The following CSMD3 variants were observed in gnomAD, a reference collection of about 807,000 sequenced individuals.
CSMD3 encodes CUB and sushi domain-containing protein 3.
In CSMD3, 177 loss-of-function variants were observed where a neutral mutation model predicts 435.2. That is an observed-to-expected ratio of 0.41 (90% CI 0.36 to 0.46). The LOEUF (loss-of-function observed/expected upper bound fraction) is 0.46. Ranked by LOEUF, CSMD3 falls within the 20% of genes least tolerant of loss-of-function variation. The pLI, the probability that CSMD3 is intolerant of heterozygous loss-of-function variation, is 0.34. For synonymous variants in CSMD3, 1,656 were observed against 1,520.5 expected, an observed-to-expected ratio of 1.09 and a Z score of -2.07; for missense variants, 4,265 against 4,504.6, an observed-to-expected ratio of 0.95 and a Z score of 1.52.
intron 50 of CSMD3, among the ~76,000 whole-genome samples, chr8:112,308,361 T>G (rs535884684): frequency 6.6e-6 from 1 of 152,096 alleles, no homozygotes; most frequent in Non-Finnish European, 1.5e-5. Context: ...TAAAAAGAGA[T>G]GTAGTTAAAT....
intron 27 of CSMD3, among the ~76,000 whole-genome samples, chr8:112,520,231 T>C (rs1382337896): frequency 6.6e-6 from 1 of 152,062 alleles, no homozygotes; most frequent in Non-Finnish European, 1.5e-5. Flanking sequence ...ACTCTCTGTA[T>C]TTAGAGCATA....
intron 4 of CSMD3, among the ~76,000 whole-genome samples, chr8:113,111,766 C>G (rs1564327758): frequency 1.3e-5 from 2 of 152,146 alleles, no homozygotes; most frequent in Admixed American, 6.5e-5. Context: ...ACTGCAGCCT[C>G]TGCTTCCGAG....
At chr8:112,685,356 A>C (rs1339715773) in intron 15 of CSMD3, 50 bp downstream of exon 15, 24 of 1,491,426 alleles carry the variant, frequency 1.6e-5, no homozygotes, top group Non-Finnish European at 2.1e-5. Flanking sequence ...TTTTCAACTC[A>C]AATTTATAGA....
At chr8:112,253,056 TA>T (rs1042583491) in intron 63 of CSMD3, among the ~76,000 whole-genome samples, 4 of 151,972 alleles carry the variant, frequency 2.6e-5, no homozygotes, top group Admixed American at 2.0e-4. Context: ...TAATATTTAC[TA>T]AAAAAACTCA....
chr8:112,843,913 C>T (rs1045133014), intron 11 of CSMD3, among the ~76,000 whole-genome samples: 2 of 151,658 alleles, frequency 1.3e-5, no homozygotes, highest in African/African-American at 4.8e-5. Flanking sequence ...TGTTTTAAGC[C>T]ACTAAGTTTA....
chr8:113,274,164 C>T (rs1292208137), intron 3 of CSMD3, among the ~76,000 whole-genome samples: 1 of 151,742 alleles, frequency 6.6e-6, no homozygotes, highest in African/African-American at 2.4e-5. Context: ...TAGAATGATT[C>T]CAAGCACACA....
intron 4 of CSMD3, among the ~76,000 whole-genome samples, chr8:113,109,115 G>A (rs1046735222): frequency 6.6e-6 from 1 of 152,162 alleles, no homozygotes; most frequent in Non-Finnish European, 1.5e-5. Context: ...GAAGAGTTCA[G>A]ATAAAGACTC....
At chr8:113,143,833 T>C (rs2091608346) in intron 4 of CSMD3, among the ~76,000 whole-genome samples, 1 of 151,348 alleles carries the variant, frequency 6.6e-6, no homozygotes, top group Non-Finnish European at 1.5e-5. Context: ...AAAAGGGCAA[T>C]ATAAAATATC....
At chr8:112,716,706 T>C (rs561108038) in intron 13 of CSMD3, among the ~76,000 whole-genome samples, 60 of 152,270 alleles carry the variant, frequency 3.9e-4, no homozygotes, top group African/African-American at 1.3e-3. Context: ...CAAAACAGCA[T>C]AGTACAGGTA....
intron 32 of CSMD3, 88 bp downstream of exon 32, chr8:112,472,503 A>G: frequency 6.3e-6 from 5 of 791,448 alleles, no homozygotes; most frequent in Non-Finnish European, 1.2e-5. Flanking sequence ...GATAGCACGT[A>G]TTTTCATTTA....
At chr8:112,517,790 C>T (rs185661645) in intron 27 of CSMD3, among the ~76,000 whole-genome samples, 132 of 152,166 alleles carry the variant, frequency 8.7e-4, no homozygotes, top group East Asian at 6.0e-3. Flanking sequence ...ATGGAGAAAA[C>T]GGGATCATTC....
chr8:112,936,826 A>G (rs1295832667), intron 9 of CSMD3, among the ~76,000 whole-genome samples: 1 of 152,214 alleles, frequency 6.6e-6, no homozygotes, highest in Admixed American at 6.6e-5. Context: ...ATTTGTATTG[A>G]TCAAAATTAT....
chr8:112,492,240 C>A (rs1166590105), intron 31 of CSMD3, among the ~76,000 whole-genome samples: 1 of 152,104 alleles, frequency 6.6e-6, no homozygotes, highest in Non-Finnish European at 1.5e-5. Context: ...GGCAGTAACC[C>A]AGTTCTCAGA....
chr8:112,827,001 G>A (rs540851691), intron 12 of CSMD3, among the ~76,000 whole-genome samples: 4 of 151,304 alleles, frequency 2.6e-5, no homozygotes, highest in African/African-American at 7.3e-5. Flanking sequence ...TTGAAATAGG[G>A]TGAAAAATAT....
intron 31 of CSMD3, among the ~76,000 whole-genome samples, chr8:112,483,414 C>T (rs1819818537): frequency 6.6e-6 from 1 of 151,952 alleles, no homozygotes; most frequent in Non-Finnish European, 1.5e-5. Context: ...AACCAGGAGG[C>T]AGAGATTCCA....
At chr8:112,700,571 G>A (rs1361052678) in intron 13 of CSMD3, among the ~76,000 whole-genome samples, 3 of 152,082 alleles carry the variant, frequency 2.0e-5, no homozygotes, top group Non-Finnish European at 4.4e-5. Flanking sequence ...TTATTGGCCA[G>A]TATTGTTGCC....
At chr8:112,489,792 G>T (rs1272848189) in intron 31 of CSMD3, among the ~76,000 whole-genome samples, 2 of 151,944 alleles carry the variant, frequency 1.3e-5, no homozygotes, top group East Asian at 1.9e-4. Flanking sequence ...AACTTATCTT[G>T]AACTTCTTTT....
chr8:113,198,960 C>A (rs1386105748), intron 3 of CSMD3, among the ~76,000 whole-genome samples: 1 of 151,032 alleles, frequency 6.6e-6, no homozygotes, highest in East Asian at 1.9e-4. Context: ...TAAATTATTT[C>A]TTTCTAATTT....
At chr8:112,295,734 A>G in intron 54 of CSMD3, 99 bp downstream of exon 54, 2 of 1,002,144 alleles carry the variant, frequency 2.0e-6, no homozygotes, top group East Asian at 5.2e-5. Flanking sequence ...TTATATTGAT[A>G]TATATAACAA....
Sources: allele counts gnomAD v4.1 joint callset (sites outside exome capture counted in the v4.1 genomes callset), GRCh38; gene constraint gnomAD v4.1.1; transcripts MANE v1.5; gene names NCBI Gene and HGNC (gene_info 2026-07-23, HGNC 2026-07-21).